Variants in SEC22A observed in about 807,000 individuals in gnomAD.
SEC22A encodes vesicle-trafficking protein SEC22a.
SEC22A carries 22 observed loss-of-function variants against 35.3 expected under a neutral mutation model. The ratio of observed to expected loss-of-function variants is 0.62; its 90% CI spans 0.45 to 0.89. The LOEUF is 0.89. Among genes scored for constraint, SEC22A ranks in the 40% least tolerant of loss-of-function variants. The pLI is 0.00. For missense variants in SEC22A, 354 were observed against 362.5 expected (o/e 0.98, Z 0.19); for synonymous variants, 119 against 129.5 (o/e 0.92, Z 0.55).
At chr3:123,214,571 C>T (rs1019375339) in intron 2 of SEC22A, among the ~76,000 whole-genome samples, 5 of 151,980 alleles carry the variant, frequency 3.3e-5, no homozygotes, top group African/African-American at 4.8e-5. Context: ...TTTTATAAGT[C>T]GAAGGGTACT....
chr3:123,246,565 A>C (rs973470775), intron 5 of SEC22A, among the ~76,000 whole-genome samples: 1 of 152,242 alleles, frequency 6.6e-6, no homozygotes, highest in African/African-American at 2.4e-5. Flanking sequence ...GAAAACCACA[A>C]ATTTATTCAG....
intron 4 of SEC22A, among the ~76,000 whole-genome samples, chr3:123,225,997 G>C (rs1208570506): frequency 6.6e-6 from 1 of 152,124 alleles, no homozygotes; most frequent in African/African-American, 2.4e-5. Context: ...ATGTCCTCCA[G>C]TTCATCCGTG....
At chr3:123,215,811 A>G (rs912016327) in intron 2 of SEC22A, among the ~76,000 whole-genome samples, 7 of 152,114 alleles carry the variant, frequency 4.6e-5, no homozygotes, top group African/African-American at 7.2e-5. Flanking sequence ...TTCACTTTTT[A>G]TGGAGAGAGA....
At chr3:123,208,247 A>G (rs1176831239) in intron 1 of SEC22A, 1 of 152,236 alleles carries the variant, frequency 6.6e-6, no homozygotes, top group Admixed American at 6.5e-5. Context: ...TTATATGAAT[A>G]TACTATAATT....
chr3:123,236,721 A>C (rs1371442029), intron 4 of SEC22A, among the ~76,000 whole-genome samples: 1 of 152,198 alleles, frequency 6.6e-6, no homozygotes, highest in African/African-American at 2.4e-5. Flanking sequence ...TGTCTACAAC[A>C]AGATTTTGAA....
chr3:123,229,722 C>T (rs2108055853), intron 4 of SEC22A, among the ~76,000 whole-genome samples: 1 of 151,984 alleles, frequency 6.6e-6, no homozygotes, highest in South Asian at 2.1e-4. Flanking sequence ...ATTAGCTGAG[C>T]ATGGTGCCAC....
Position 123,239,735 on chromosome 3 carries a change from GT to G in SEC22A, c.542-6163del, listed in dbSNP as rs1174879190. On this transcript the variant is annotated intron_variant, in intron 4 of 6. Coordinates refer to ENST00000492595, the MANE Select transcript of SEC22A (RefSeq NM_012430.5). ...TGTAGATTCTGGATATTAGCCCTTT[GT>G]CAGATGAGTAGGTTGCGAAAATTTT... is the stretch of plus-strand genomic sequence containing the variant. Among the ~76,000 whole-genome samples the G allele has an allele frequency of 4.6e-5, 7 of 152,150 alleles. No individual in the cohort carries two copies. The East Asian group carries it at 1.4e-3, about 29-fold the overall frequency.
chr3:123,235,159 T>C (rs1485374449), intron 4 of SEC22A, among the ~76,000 whole-genome samples: 1 of 152,154 alleles, frequency 6.6e-6, no homozygotes, highest in Non-Finnish European at 1.5e-5. Context: ...TCTAGAGTAG[T>C]CTGGATTACA....
chr3:123,257,995 G>GAAAAAAAAAAA (rs61068587), intron 5 of SEC22A, among the ~76,000 whole-genome samples: 4 of 111,506 alleles, frequency 3.6e-5, no homozygotes, highest in East Asian at 5.0e-4. Context: ...CCATCTCATT[G>GAAAAAAAAAAA]AAAAAAAAAA....
At chr3:123,228,032 C>T (rs1043175745) in intron 4 of SEC22A, among the ~76,000 whole-genome samples, 2 of 151,720 alleles carry the variant, frequency 1.3e-5, no homozygotes, top group African/African-American at 4.8e-5. Context: ...TTCCTCTAGA[C>T]ATGCTTTAGT....
At chr3:123,267,004 C>T (rs1938042538) in intron 6 of SEC22A, among the ~76,000 whole-genome samples, 1 of 152,052 alleles carries the variant, frequency 6.6e-6, no homozygotes, top group African/African-American at 2.4e-5. Context: ...ATATATGTTC[C>T]TCTCTGTCCC....
chr3:123,223,488 C>A, intron 2 of SEC22A, 71 bp from the exon 3 acceptor site: 2 of 1,184,688 alleles, frequency 1.7e-6, no homozygotes, highest in South Asian at 1.3e-5. Flanking sequence ...GTGTATAGAA[C>A]CAGTCTTGTG....
chr3:123,244,603 C>CT (rs1937551801), intron 4 of SEC22A, among the ~76,000 whole-genome samples: 1 of 152,162 alleles, frequency 6.6e-6, no homozygotes, highest in Non-Finnish European at 1.5e-5. Context: ...TATATAAGCA[C>CT]TTTCTGCTGA....
At chr3:123,244,883 AC>A (rs1430613794) in intron 4 of SEC22A, among the ~76,000 whole-genome samples, 1 of 151,914 alleles carries the variant, frequency 6.6e-6, no homozygotes, top group African/African-American at 2.4e-5. Flanking sequence ...TTTCATGTAG[AC>A]CCTGTTGTTA....
At chr3:123,224,234 G>T (rs1272920956) in intron 3 of SEC22A, among the ~76,000 whole-genome samples, 1 of 151,668 alleles carries the variant, frequency 6.6e-6, no homozygotes, top group Non-Finnish European at 1.5e-5. Flanking sequence ...TGGCCTGTGG[G>T]CAGTAGTTTG....
rs1000377389 is a variant in SEC22A, at chr3:123,273,329, A to G, written c.*1607A>G. The G allele has an allele frequency of 1.3e-5, 2 of 152,242 alleles. No homozygotes were observed. Among genetic ancestry groups the G allele is most frequent in the Non-Finnish European group, 2.9e-5 (2 of 68,040 alleles). 9.4% of individuals were successfully genotyped at this position (152,242 alleles called of 1,614,324 possible). A position where few individuals can be genotyped will look rare whatever the true frequency, so the allele number is the denominator to read the frequency against. On this transcript the variant is annotated 3_prime_UTR_variant, in exon 7 of 7. Transcript: ENST00000492595. ...AGGAGAATGAGGTAAAAGGAAGACA[A>G]TAAGCTTATGATATCAGGGATTCAT... is the stretch of plus-strand genomic sequence containing the variant.
rs189482984 is a variant in SEC22A at position 123,262,965 on chromosome 3, T to C, written c.723+3376T>C. Reference sequence around the variant, plus strand: ...CATCTTGCAAAACTATATAAAACGGTATCACAACCAGAGTATTGATACTGA... The same window carrying C: ...CATCTTGCAAAACTATATAAAACGGCATCACAACCAGAGTATTGATACTGA... On this transcript the variant is annotated intron_variant, in intron 6 of 6. Transcript: ENST00000492595. Among the ~76,000 whole-genome samples the C allele has an allele frequency of 1.2e-4, 18 of 152,324 alleles. No homozygotes were observed. The East Asian group carries it at 3.3e-3, about 28-fold the overall frequency.
At chr3:123,257,148 G>T (rs1293095420) in intron 5 of SEC22A, among the ~76,000 whole-genome samples, 1 of 152,120 alleles carries the variant, frequency 6.6e-6, no homozygotes. Flanking sequence ...TAATATGCTA[G>T]TAGACAGTCT....
In SEC22A at chr3:123,245,983, G is replaced by A. The variant is rs1186070582; in HGVS notation, c.626G>A (p.Arg209Gln). ...TTATGTGGAGCTCTGAATTTAATTC[G>A]AGGCTTTCATGCTATAGAAAGTCTC... ...SLLCGALNLI[R>Q]GFHAIESLLQ... The change falls in exon 5 of 7, where the codon CGA (arginine) becomes CAA (glutamine). Residue 209 changes from arginine to glutamine, a missense_variant. Physicochemically the swap from Arg to Gln is conservative, Grantham distance 43. Coordinates refer to ENST00000492595, the MANE Select transcript of SEC22A (RefSeq NM_012430.5). 6.2e-7 allele frequency: 1 copy of A among 1,611,428 alleles called. No individual in the cohort carries two copies. The highest frequency in any genetic ancestry group is 1.3e-5 in the African/African-American group (1 of 74,926).
Sources: gnomAD v4.1 joint callset for allele counts (sites outside exome capture counted in the v4.1 genomes callset) on GRCh38, gnomAD v4.1.1 for gene constraint, MANE v1.5 for transcripts, NCBI Gene and HGNC (gene_info 2026-07-23, HGNC 2026-07-21) for gene names.